Variants in CSNK1G3 observed in about 807,000 individuals in gnomAD.
CSNK1G3 encodes casein kinase I isoform gamma-3.
A neutral mutation model predicts 64.3 loss-of-function variants in CSNK1G3; 23 were observed. That is an observed-to-expected ratio of 0.36 (90% CI 0.26 to 0.51). The LOEUF (loss-of-function observed/expected upper bound fraction) is 0.51, where lower values mean the gene tolerates loss of function less well. Ranked by LOEUF, CSNK1G3 falls within the 20% of genes least tolerant of loss-of-function variation. The probability of loss-of-function intolerance (pLI) is 0.96; values close to 1 mark genes in which losing one functional copy is unlikely to be tolerated. For synonymous variants in CSNK1G3, 158 were observed against 162.2 expected, an observed-to-expected ratio of 0.97 and a Z score of 0.20; for missense variants, 357 against 510.5, an observed-to-expected ratio of 0.70 and a Z score of 2.90.
chr5:123,608,048 G>GC (rs1266729004), intron 12 of CSNK1G3, among the ~76,000 whole-genome samples: 2 of 152,008 alleles, frequency 1.3e-5, no homozygotes, highest in East Asian at 1.9e-4. Context: ...TCCTGCCCCA[G>GC]CCCCCCCAGT....
chr5:123,576,188 A>AT (rs1789129603), intron 6 of CSNK1G3, among the ~76,000 whole-genome samples: 1 of 152,150 alleles, frequency 6.6e-6, no homozygotes, highest in Admixed American at 6.5e-5. Flanking sequence ...CATTCACTGT[A>AT]TTTTTTGTAT....
At position 123,545,230 on chromosome 5, in the gene CSNK1G3, C is replaced by T. The variant is rs79430917; in HGVS notation, c.-247-187C>T. Among the ~76,000 whole-genome samples, 626 of 151,928 alleles carry T rather than the reference C, an allele frequency of 4.1e-3. 3 individuals are homozygous for T. The highest frequency in any genetic ancestry group is 0.014 in the African/African-American group (568 of 41,456). ...AATTGAATCCCTGATATCTTTGTTT[C>T]GTATCTTTGTTATTAAGGTATATAA... On this transcript the variant is annotated intron_variant, in intron 1 of 12. Coordinates refer to ENST00000345990, the Ensembl canonical transcript of CSNK1G3.
chr5:123,588,311 A>G (rs1258687414), intron 7 of CSNK1G3, 116 bp from the exon 8 acceptor site: 4 of 1,054,428 alleles, frequency 3.8e-6, no homozygotes, highest in Non-Finnish European at 5.8e-6. Context: ...TCCTGGGCTC[A>G]AGCATTCCTT....
intron 1 of CSNK1G3, among the ~76,000 whole-genome samples, chr5:123,515,953 G>A (rs1413777481): frequency 2.6e-5 from 4 of 152,120 alleles, no homozygotes; most frequent in Non-Finnish European, 4.4e-5. Flanking sequence ...TAAATAATGT[G>A]TTGAAGATAT....
chr5:123,530,385 A>C (rs1779732793), intron 1 of CSNK1G3, among the ~76,000 whole-genome samples: 1 of 152,186 alleles, frequency 6.6e-6, no homozygotes, highest in Non-Finnish European at 1.5e-5. Context: ...AACTGATTAT[A>C]ATATAGTATG....
chr5:123,585,943 A>G (rs1791243069), intron 6 of CSNK1G3, among the ~76,000 whole-genome samples: 1 of 152,144 alleles, frequency 6.6e-6, no homozygotes, highest in Admixed American at 6.5e-5. Flanking sequence ...CCTTCTAGAT[A>G]TTAACCCAAC....
chr5:123,591,350 C>T (rs1361384377), exon 10 of CSNK1G3: 11 of 1,609,854 alleles, frequency 6.8e-6, no homozygotes, highest in Non-Finnish European at 9.3e-6. Flanking sequence ...CAGCAAGATC[C>T]TGCTCTGTCA....
At chr5:123,581,360 G>GTTTTTTTTTTTTTT in intron 6 of CSNK1G3, among the ~76,000 whole-genome samples, 1 of 81,574 alleles carries the variant, frequency 1.2e-5, no homozygotes, top group Non-Finnish European at 2.3e-5. Flanking sequence ...TTTTGGGTTT[G>GTTTTTTTTTTTTTT]TTTTTTTTTT....
At chr5:123,600,064 A>G (rs1794173702) in intron 10 of CSNK1G3, among the ~76,000 whole-genome samples, 1 of 151,158 alleles carries the variant, frequency 6.6e-6, no homozygotes, top group Non-Finnish European at 1.5e-5. Context: ...GGATATGTAA[A>G]TAAGTTGGTT....
intron 6 of CSNK1G3, among the ~76,000 whole-genome samples, chr5:123,587,634 G>A (rs6595462): frequency 0.6 from 91,785 of 152,010 alleles, 28,975 homozygotes; most frequent in African/African-American, 0.79. Flanking sequence ...TTTATCATGG[G>A]AGTTTTGTGC....
intron 10 of CSNK1G3, among the ~76,000 whole-genome samples, chr5:123,604,219 A>G (rs140226367): frequency 6.6e-6 from 1 of 152,102 alleles, no homozygotes; most frequent in Non-Finnish European, 1.5e-5. Flanking sequence ...AGTGACCCCT[A>G]CGTTTGAACA....
At chr5:123,612,351 A>G (rs1414646037) in intron 12 of CSNK1G3, among the ~76,000 whole-genome samples, 10 of 152,222 alleles carry the variant, frequency 6.6e-5, no homozygotes, top group African/African-American at 2.4e-4. Context: ...TAATGTGGGT[A>G]GAGAGATTAT....
At chr5:123,546,176 T>G (rs1225660512) in intron 2 of CSNK1G3, among the ~76,000 whole-genome samples, 1 of 152,170 alleles carries the variant, frequency 6.6e-6, no homozygotes, top group Non-Finnish European at 1.5e-5. Flanking sequence ...TTTTTCAGAT[T>G]CAAAAATGTT....
chr5:123,614,842 G>A (rs1749189543), exon 13 of CSNK1G3: 1 of 153,190 alleles, frequency 6.5e-6, no homozygotes, highest in South Asian at 2.1e-4. Flanking sequence ...AAACAGAGTT[G>A]CCCAAATATT....
intron 1 of CSNK1G3, among the ~76,000 whole-genome samples, chr5:123,539,510 A>C (rs1433412853): frequency 2.0e-5 from 3 of 151,668 alleles, no homozygotes; most frequent in African/African-American, 7.3e-5. Context: ...ATTGATTTCA[A>C]ATGTTAAGTC....
intron 2 of CSNK1G3, among the ~76,000 whole-genome samples, chr5:123,546,261 G>T (rs116516083): frequency 0.012 from 1,791 of 152,196 alleles, 41 homozygotes; most frequent in African/African-American, 0.04. Context: ...TACAATTAAT[G>T]AAATTTACAT....
At chr5:123,561,599 A>G (rs1332116910) in intron 4 of CSNK1G3, among the ~76,000 whole-genome samples, 2 of 152,174 alleles carry the variant, frequency 1.3e-5, no homozygotes, top group Non-Finnish European at 2.9e-5. Flanking sequence ...ACTTTTTGTA[A>G]CAGGAGGGAA....
rs1430576598 is a variant in CSNK1G3 at position 123,533,329 on chromosome 5, A to T, written c.-247-12088A>T. On this transcript the variant is annotated intron_variant, in intron 1 of 12. Transcript: ENST00000345990. ...AAATTTATATTTTTACAGGACTTTT[A>T]TCTTGCATTTTTTCTTTTTGCTAAG... is the stretch of plus-strand genomic sequence containing the variant. 2.0e-5 allele frequency among the ~76,000 whole-genome samples: 3 copies of T among 151,846 alleles called. No individual in the cohort carries two copies. The East Asian group carries it at 5.8e-4, about 29-fold the overall frequency.
exon 2 of CSNK1G3, chr5:123,545,605 C>T: frequency 7.0e-7 from 1 of 1,419,694 alleles, no homozygotes; most frequent in Non-Finnish European, 9.8e-7. Flanking sequence ...TTCACAATAC[C>T]CTGTTTCAGT....
Sources: allele counts gnomAD v4.1 joint callset (sites outside exome capture counted in the v4.1 genomes callset), GRCh38; gene constraint gnomAD v4.1.1; transcripts MANE v1.5; gene names NCBI Gene and HGNC (gene_info 2026-07-23, HGNC 2026-07-21).